Variants in USP34 observed in about 807,000 individuals in gnomAD.
USP34 encodes ubiquitin carboxyl-terminal hydrolase 34.
USP34 carries 70 observed loss-of-function variants against 460.3 expected under a neutral mutation model. The ratio of observed to expected loss-of-function variants is 0.15; its 90% CI spans 0.13 to 0.19. The LOEUF (loss-of-function observed/expected upper bound fraction) is 0.19, where lower values mean the gene tolerates loss of function less well. USP34 is among the 10% of genes least tolerant of loss of function. The probability of loss-of-function intolerance (pLI) is 1.00; values close to 1 mark genes in which losing one functional copy is unlikely to be tolerated. For missense variants in USP34, 3,985 were observed against 4,236.2 expected (o/e 0.94, Z 1.65); for synonymous variants, 1,647 against 1,405.3 (o/e 1.17, Z -3.85).
chr2:61,279,191 T>C (rs1689462453), intron 39 of USP34, among the ~76,000 whole-genome samples: 1 of 152,108 alleles, frequency 6.6e-6, no homozygotes, highest in African/African-American at 2.4e-5. Context: ...TTTTTGTAAT[T>C]ATTTCTCAAA....
intron 36 of USP34, 34 bp from the exon 37 acceptor site, chr2:61,283,303 A>G: frequency 1.2e-6 from 2 of 1,601,316 alleles, no homozygotes; most frequent in Non-Finnish European, 1.7e-6. Context: ...TCACTATAAA[A>G]GGTTTGTGCT....
intron 1 of USP34, among the ~76,000 whole-genome samples, chr2:61,462,971 A>G (rs1255024911): frequency 2.0e-5 from 3 of 151,180 alleles, no homozygotes; most frequent in Non-Finnish European, 2.9e-5. Flanking sequence ...GTCAAGTTAT[A>G]GTAAGCAATA....
intron 67 of USP34, among the ~76,000 whole-genome samples, chr2:61,215,217 C>A (rs1687363558): frequency 6.6e-6 from 1 of 152,012 alleles, no homozygotes; most frequent in African/African-American, 2.4e-5. Flanking sequence ...TATAAGATTA[C>A]ATATATGCTA....
At chr2:61,315,381 T>A (rs1208883835) in intron 23 of USP34, among the ~76,000 whole-genome samples, 1 of 152,208 alleles carries the variant, frequency 6.6e-6, no homozygotes, top group South Asian at 2.1e-4. Context: ...CCAATTTTTT[T>A]TTTTTTTTGA....
intron 1 of USP34, among the ~76,000 whole-genome samples, chr2:61,452,905 CAAAAAAAAAA>C (rs57925421): frequency 0.66 from 84,861 of 127,872 alleles, 25,601 homozygotes; most frequent in Middle Eastern, 0.74. Context: ...ACCCCACAAC[CAAAAAAAAAA>C]AAAAAAAAAA....
chr2:61,280,637 G>A lies in USP34; in HGVS notation c.5152-289C>T, dbSNP rs1339041963. Among the ~76,000 whole-genome samples, 4 of 152,074 alleles carry A rather than the reference G, an allele frequency of 2.6e-5. 1 individual carries two copies. Among genetic ancestry groups the A allele is most frequent in the Non-Finnish European group, 5.9e-5 (4 of 68,010 alleles). ...AAATCCAACAACACACTGAATTTCT[G>A]GGGTTAGTAAAAAGTGGGCTCTAAA... is the stretch of plus-strand genomic sequence containing the variant. On this transcript the variant is annotated intron_variant, in intron 38 of 79. Transcript: ENST00000398571.
intron 35 of USP34, 104 bp from the exon 36 acceptor site, chr2:61,283,553 A>C: frequency 1.6e-6 from 2 of 1,257,938 alleles, no homozygotes; most frequent in Non-Finnish European, 1.1e-6. Context: ...TCCCCCCCAA[A>C]AAAGGAAAGC....
At chr2:61,444,005 T>C (rs961853431) in intron 1 of USP34, among the ~76,000 whole-genome samples, 3 of 152,196 alleles carry the variant, frequency 2.0e-5, no homozygotes, top group African/African-American at 7.2e-5. Context: ...GCAAGGTGGC[T>C]CATGCCTGTA....
intron 2 of USP34, among the ~76,000 whole-genome samples, chr2:61,412,080 T>C (rs1694055788): frequency 1.3e-5 from 2 of 149,726 alleles, no homozygotes; most frequent in Non-Finnish European, 3.0e-5. Flanking sequence ...TCCCAGATAC[T>C]TGGGAGGCTG....
chr2:61,331,665 T>G (rs1002864545), intron 19 of USP34, among the ~76,000 whole-genome samples: 1 of 152,048 alleles, frequency 6.6e-6, no homozygotes, highest in Admixed American at 6.5e-5. Flanking sequence ...CCCTTTCATA[T>G]AAGAATATAC....
intron 8 of USP34, among the ~76,000 whole-genome samples, chr2:61,377,502 G>C (rs1012114896): frequency 2.6e-5 from 4 of 152,068 alleles, no homozygotes; most frequent in Admixed American, 2.0e-4. Context: ...GCCTTTGGGA[G>C]ATAATTAGGT....
chr2:61,304,425 G>C (rs751834519), intron 27 of USP34, among the ~76,000 whole-genome samples: 1 of 152,192 alleles, frequency 6.6e-6, no homozygotes, highest in African/African-American at 2.4e-5. Context: ...AAGTGTTATG[G>C]TTTGAATATA....
At chr2:61,282,645 C>T (rs916239175) in intron 37 of USP34, among the ~76,000 whole-genome samples, 3 of 152,048 alleles carry the variant, frequency 2.0e-5, no homozygotes, top group Admixed American at 6.6e-5. Context: ...AAAAAACTAG[C>T]TGGGCATGGT....
intron 8 of USP34, among the ~76,000 whole-genome samples, chr2:61,374,952 G>A (rs1466462589): frequency 2.0e-5 from 3 of 152,096 alleles, no homozygotes; most frequent in African/African-American, 7.2e-5. Context: ...AAACCAATTT[G>A]ACCTAATAGA....
chr2:61,272,890 G>A (rs551963145), intron 41 of USP34, among the ~76,000 whole-genome samples: 7 of 152,292 alleles, frequency 4.6e-5, no homozygotes, highest in Non-Finnish European at 7.4e-5. Context: ...AGATGATTGT[G>A]ACATGAGTCT....
At chr2:61,367,997 A>C (rs1205546270) in intron 10 of USP34, among the ~76,000 whole-genome samples, 1 of 152,190 alleles carries the variant, frequency 6.6e-6, no homozygotes, top group Admixed American at 6.5e-5. Flanking sequence ...AAAATAAAGA[A>C]AAAAATTAGT....
intron 53 of USP34, among the ~76,000 whole-genome samples, chr2:61,240,540 A>T (rs1688223343): frequency 6.6e-6 from 1 of 151,442 alleles, no homozygotes; most frequent in African/African-American, 2.4e-5. Flanking sequence ...GGCCTCCCAA[A>T]GTGCTGGGAT....
At position 61,311,726 on chromosome 2, in the gene USP34, G is replaced by T. The variant is rs767427929; in HGVS notation, c.3670-39C>A. 8 of 1,608,526 alleles carry T rather than the reference G, an allele frequency of 5.0e-6. No individual in the cohort carries two copies. The East Asian group carries it at 1.8e-4, about 36-fold the overall frequency. On this transcript the variant is annotated intron_variant, in intron 26 of 79. Coordinates refer to ENST00000398571, the MANE Select transcript of USP34 (RefSeq NM_014709.4). ...TGCAACCAATTTAAAAATACAAAAA[G>T]AACAGATATTTGACCTGGGAAATGT...
Position 61,366,770 on chromosome 2 carries a change from G to A in USP34, c.1251+3551C>T, listed in dbSNP as rs192842448. 2.4e-3 allele frequency among the ~76,000 whole-genome samples: 372 copies of A among 152,216 alleles called. 1 individual carries two copies. The highest frequency in any genetic ancestry group is 8.5e-3 in the African/African-American group (351 of 41,516). ...GTCTCTTAGAAATATGAATGTGGCC[G>A]GGTGTGGTGGCTCACAGCTATAACC... On this transcript the variant is annotated intron_variant, in intron 10 of 79. Coordinates refer to ENST00000398571, the MANE Select transcript of USP34 (RefSeq NM_014709.4).
Sources: gnomAD v4.1 joint callset for allele counts (sites outside exome capture counted in the v4.1 genomes callset) on GRCh38, gnomAD v4.1.1 for gene constraint, MANE v1.5 for transcripts, NCBI Gene and HGNC (gene_info 2026-07-23, HGNC 2026-07-21) for gene names.